SLC1A1: variants seen among roughly 807,000 people sequenced by gnomAD.
SLC1A1 encodes solute carrier family 1 member 1.
A neutral mutation model predicts 53.3 loss-of-function variants in SLC1A1; 43 were observed. The ratio of observed to expected loss-of-function variants is 0.81; its 90% CI spans 0.63 to 1.04. SLC1A1 has a LOEUF of 1.04. SLC1A1 is among the 50% of genes least tolerant of loss of function. The pLI is 0.00. For synonymous variants in SLC1A1, 307 were observed against 243.2 expected, an observed-to-expected ratio of 1.26 and a Z score of -2.44; for missense variants, 748 against 664.9, an observed-to-expected ratio of 1.12 and a Z score of -1.37.
intron 1 of SLC1A1, among the ~76,000 whole-genome samples, chr9:4,528,928 G>T (rs949194523): frequency 6.6e-6 from 1 of 151,954 alleles, no homozygotes; most frequent in African/African-American, 2.4e-5. Flanking sequence ...ATCATCTTTA[G>T]AACTATCCAT....
intron 1 of SLC1A1, among the ~76,000 whole-genome samples, chr9:4,495,409 T>G (rs1232477223): frequency 6.6e-6 from 1 of 152,056 alleles, no homozygotes; most frequent in East Asian, 1.9e-4. Flanking sequence ...TAGAGAGAGG[T>G]AGACCATAAA....
chr9:4,568,207 C>T (rs1342465492), intron 6 of SLC1A1, among the ~76,000 whole-genome samples: 3 of 151,796 alleles, frequency 2.0e-5, no homozygotes, highest in African/African-American at 7.3e-5. Flanking sequence ...ATCGCTTGAG[C>T]CCAGGAGTTC....
At chr9:4,553,189 G>A (rs1030541053) in intron 2 of SLC1A1, among the ~76,000 whole-genome samples, 4 of 152,082 alleles carry the variant, frequency 2.6e-5, no homozygotes, top group African/African-American at 7.2e-5. Flanking sequence ...GAGTTCCTCA[G>A]ATTCTTTGGG....
chr9:4,553,086 T>C (rs538335100), intron 2 of SLC1A1, among the ~76,000 whole-genome samples: 3 of 152,294 alleles, frequency 2.0e-5, no homozygotes, highest in African/African-American at 7.2e-5. Flanking sequence ...TCAGTCATAT[T>C]TAGGTTGTGG....
intron 8 of SLC1A1, among the ~76,000 whole-genome samples, chr9:4,574,322 C>A (rs1820347851): frequency 6.6e-6 from 1 of 152,226 alleles, no homozygotes; most frequent in African/African-American, 2.4e-5. Flanking sequence ...CCTTGGCTCT[C>A]TCCTGGCCTT....
chr9:4,581,474 A>G (rs975414249), intron 10 of SLC1A1, among the ~76,000 whole-genome samples: 4 of 152,230 alleles, frequency 2.6e-5, no homozygotes, highest in African/African-American at 9.6e-5. Flanking sequence ...GCTCAAGGAC[A>G]GAGTTTTCTT....
chr9:4,524,391 C>T, intron 1 of SLC1A1, among the ~76,000 whole-genome samples: 1 of 152,162 alleles, frequency 6.6e-6, no homozygotes, highest in South Asian at 2.1e-4. Flanking sequence ...AAAGTCCCCT[C>T]CAGACCAATG....
At chr9:4,492,149 CT>C (rs1003566773) in intron 1 of SLC1A1, among the ~76,000 whole-genome samples, 42 of 149,686 alleles carry the variant, frequency 2.8e-4, no homozygotes, top group South Asian at 6.4e-4. Flanking sequence ...GGTTTTGGAA[CT>C]TTTTTTTTTC....
intron 1 of SLC1A1, among the ~76,000 whole-genome samples, chr9:4,531,943 G>A (rs1197272520): frequency 1.3e-5 from 2 of 152,198 alleles, no homozygotes; most frequent in Non-Finnish European, 2.9e-5. Context: ...CACAGGCAAA[G>A]AGGGTCTGGA....
chr9:4,528,559 G>A (rs890973990), intron 1 of SLC1A1, among the ~76,000 whole-genome samples: 1 of 152,152 alleles, frequency 6.6e-6, no homozygotes. Context: ...CTGGGAGACA[G>A]AGCAGGACTC....
At chr9:4,520,705 G>A (rs1363720065) in intron 1 of SLC1A1, among the ~76,000 whole-genome samples, 3 of 152,186 alleles carry the variant, frequency 2.0e-5, no homozygotes, top group Non-Finnish European at 4.4e-5. Flanking sequence ...TGGCTATTAG[G>A]AATAATGTTG....
chr9:4,510,757 T>A (rs192655730), intron 1 of SLC1A1, among the ~76,000 whole-genome samples: 1 of 152,340 alleles, frequency 6.6e-6, no homozygotes, highest in East Asian at 1.9e-4. Context: ...TTAGGCTAAC[T>A]CAGCCCTGAG....
chr9:4,513,179 T>C (rs1821052347), intron 1 of SLC1A1, among the ~76,000 whole-genome samples: 1 of 152,030 alleles, frequency 6.6e-6, no homozygotes, highest in Non-Finnish European at 1.5e-5. Context: ...CAAAGCACAA[T>C]TCATAAAAGA....
intron 1 of SLC1A1, among the ~76,000 whole-genome samples, chr9:4,502,408 AAAAAAAG>A (rs1391106772): frequency 6.6e-6 from 1 of 150,486 alleles, no homozygotes; most frequent in Non-Finnish European, 1.5e-5. Context: ...AAAAAAAAAA[AAAAAAAG>A]ATTCCCTGAA....
chr9:4,544,856 T>A, intron 2 of SLC1A1, 149 bp downstream of exon 2: 2 of 723,744 alleles, frequency 2.8e-6, no homozygotes. Context: ...CTCACAATCA[T>A]GGCGGAAGGC....
intron 1 of SLC1A1, among the ~76,000 whole-genome samples, chr9:4,507,253 T>A (rs953741290): frequency 9.3e-5 from 14 of 150,540 alleles, no homozygotes; most frequent in South Asian, 2.1e-4. Flanking sequence ...AAAAAAAAAA[T>A]AGATTCCAAG....
chr9:4,551,066 C>T (rs951106345), intron 2 of SLC1A1, among the ~76,000 whole-genome samples: 3 of 152,196 alleles, frequency 2.0e-5, no homozygotes, highest in African/African-American at 7.2e-5. Context: ...TAAACTACCA[C>T]ATCAGGCAAG....
At chr9:4,569,719 C>A (rs1325404078) in intron 6 of SLC1A1, among the ~76,000 whole-genome samples, 1 of 152,200 alleles carries the variant, frequency 6.6e-6, no homozygotes, top group Non-Finnish European at 1.5e-5. Flanking sequence ...CCCTGCATGA[C>A]CTGGCTTCTC....
At position 4,556,779 on chromosome 9, in the gene SLC1A1, T is replaced by A. The variant is rs1411049139; in HGVS notation, c.233-4670T>A. On this transcript the variant is annotated intron_variant, in intron 2 of 11. Transcript: ENST00000262352. This position sits in a 1 kb window ranked among gnomAD's most constrained non-coding sequence, Gnocchi z 4.1. ...AAAAGCTGTTTTTATTTGGTGGTGGTGAGTTGGGGGAGAAAATCTTACTCT... is the reference window on the plus strand; with the variant it reads ...AAAAGCTGTTTTTATTTGGTGGTGGAGAGTTGGGGGAGAAAATCTTACTCT... Among the ~76,000 whole-genome samples the A allele has an allele frequency of 1.3e-5, 2 of 152,092 alleles. No individual in the cohort carries two copies. Among genetic ancestry groups the A allele is most frequent in the African/African-American group, 4.8e-5 (2 of 41,408 alleles).
Sources: allele counts gnomAD v4.1 joint callset (sites outside exome capture counted in the v4.1 genomes callset), GRCh38; gene constraint gnomAD v4.1.1; non-coding constraint Gnocchi (gnomAD v3.1); transcripts MANE v1.5; gene names NCBI Gene and HGNC (gene_info 2026-07-23, HGNC 2026-07-21).